The following NPAS3 variants were observed in gnomAD, a reference collection of about 807,000 sequenced individuals.
NPAS3 encodes neuronal PAS domain protein 3, also known as neuronal PAS domain-containing protein 3.
A neutral mutation model predicts 73.1 loss-of-function variants in NPAS3; 14 were observed. The ratio of observed to expected loss-of-function variants is 0.19; its 90% CI spans 0.13 to 0.30. The LOEUF (loss-of-function observed/expected upper bound fraction) is 0.30, where lower values mean the gene tolerates loss of function less well. Ranked by LOEUF, NPAS3 falls within the 10% of genes least tolerant of loss-of-function variation. The probability of loss-of-function intolerance (pLI) is 1.00; values close to 1 mark genes in which losing one functional copy is unlikely to be tolerated. For missense variants in NPAS3, 1,096 were observed against 1,250.0 expected, an observed-to-expected ratio of 0.88 and a Z score of 1.86; for synonymous variants, 620 against 541.5, an observed-to-expected ratio of 1.14 and a Z score of -2.01.
At chr14:33,173,488 G>A (rs1595606129) in intron 2 of NPAS3, among the ~76,000 whole-genome samples, 1 of 151,986 alleles carries the variant, frequency 6.6e-6, no homozygotes, top group African/African-American at 2.4e-5. Context: ...AGTTCACATG[G>A]TATATTGTTT....
chr14:33,464,829 A>C (rs1305175937), intron 4 of NPAS3, among the ~76,000 whole-genome samples: 1 of 152,172 alleles, frequency 6.6e-6, no homozygotes, highest in Non-Finnish European at 1.5e-5. Flanking sequence ...CCTGGTCCTG[A>C]TGGAAAGGCT....
intron 4 of NPAS3, among the ~76,000 whole-genome samples, chr14:33,448,671 G>T (rs564696178): frequency 2.6e-4 from 40 of 152,250 alleles, no homozygotes; most frequent in Admixed American, 5.2e-4. Flanking sequence ...CTAAATTTTG[G>T]TGGTCTTTAT....
At chr14:33,390,042 T>G (rs2046935088) in intron 4 of NPAS3, among the ~76,000 whole-genome samples, 1 of 151,660 alleles carries the variant, frequency 6.6e-6, no homozygotes, top group Non-Finnish European at 1.5e-5. Context: ...TGATTTGTGT[T>G]AAAAAAAAGA....
At chr14:33,223,504 T>C (rs1454055757) in intron 3 of NPAS3, among the ~76,000 whole-genome samples, 1 of 152,168 alleles carries the variant, frequency 6.6e-6, no homozygotes, top group Non-Finnish European at 1.5e-5. Context: ...TCAAGAAAAT[T>C]AAACATACCA....
intron 5 of NPAS3, among the ~76,000 whole-genome samples, chr14:33,637,341 C>T (rs183038764): frequency 2.6e-5 from 4 of 152,312 alleles, no homozygotes; most frequent in Admixed American, 2.6e-4. Context: ...TAATAATCAT[C>T]TCCACTTTGC....
intron 2 of NPAS3, among the ~76,000 whole-genome samples, chr14:33,200,190 T>TGC: frequency 6.7e-6 from 1 of 150,336 alleles, no homozygotes; most frequent in Non-Finnish European, 1.5e-5. Flanking sequence ...CAAAAGTAAC[T>TGC]GGTTTTTGCC....
chr14:33,701,680 T>C (rs2060526598), intron 6 of NPAS3, among the ~76,000 whole-genome samples: 2 of 152,260 alleles, frequency 1.3e-5, no homozygotes, highest in Admixed American at 6.5e-5. Context: ...TTACAATTTC[T>C]ACACAGGAGT....
In NPAS3 at chr14:33,385,145, C is replaced by T. The variant is rs968591961; in HGVS notation, c.468+17877C>T. ...TGTCTCTTTTTCTTGTTTCATTTTG[C>T]GGCTCCCAGTTGGAAGGAAAAGTTC... On this transcript the variant is annotated intron_variant, in intron 4 of 11. Coordinates refer to ENST00000356141, the Ensembl canonical transcript of NPAS3. Among the ~76,000 whole-genome samples, 8 of 152,082 alleles carry T rather than the reference C, an allele frequency of 5.3e-5. 1 individual carries two copies.
chr14:33,472,866 A>G lies in NPAS3; in HGVS notation c.469-87255A>G, dbSNP rs975029122. ...CATTTATTATTGATATGATTATATT[A>G]TTTTACTTTCCAAAAGGATTTGAAA... On this transcript the variant is annotated intron_variant, in intron 4 of 11. Transcript: ENST00000356141. 4.0e-5 allele frequency among the ~76,000 whole-genome samples: 6 copies of G among 150,860 alleles called. No homozygotes were observed. In the East Asian group the frequency reaches 9.6e-4, roughly 24 times the overall value.
intron 2 of NPAS3, among the ~76,000 whole-genome samples, chr14:33,088,330 C>T (rs758677475): frequency 2.9e-4 from 44 of 151,552 alleles, no homozygotes; most frequent in Admixed American, 1.4e-3. Flanking sequence ...AATCGGGTCA[C>T]TCCCACCATA....
At chr14:33,695,962 G>A (rs10129574) in intron 6 of NPAS3, among the ~76,000 whole-genome samples, 3 of 152,104 alleles carry the variant, frequency 2.0e-5, no homozygotes, top group Non-Finnish European at 4.4e-5. Flanking sequence ...TTATCTTATT[G>A]TTGAGAAATT....
At chr14:33,801,119 C>T (rs765434385), downstream of NPAS3, 138 of 1,567,754 alleles carry the variant, frequency 8.8e-5, no homozygotes, top group Admixed American at 1.9e-5. Flanking sequence ...AGGCGCCGCC[C>T]GTCCTGGGCC....
chr14:33,735,026 T>C (rs1595523756), intron 6 of NPAS3, among the ~76,000 whole-genome samples, 188 bp from the exon 7 acceptor site: 1 of 152,166 alleles, frequency 6.6e-6, no homozygotes, highest in Non-Finnish European at 1.5e-5. Flanking sequence ...TGACTCTAGA[T>C]ACATTAATTT....
intron 3 of NPAS3, among the ~76,000 whole-genome samples, chr14:33,318,229 A>T (rs1056022162): frequency 6.6e-6 from 1 of 152,104 alleles, no homozygotes; most frequent in Non-Finnish European, 1.5e-5. Context: ...ATGCTAAATG[A>T]AACAAGCCAG....
At chr14:33,327,916 G>C (rs1029739718) in intron 3 of NPAS3, among the ~76,000 whole-genome samples, 1 of 152,154 alleles carries the variant, frequency 6.6e-6, no homozygotes, top group Non-Finnish European at 1.5e-5. Context: ...GAGTCCACCA[G>C]TAATCAGGTT....
chr14:33,341,591 AT>A (rs1294723409), intron 3 of NPAS3, among the ~76,000 whole-genome samples: 17 of 152,128 alleles, frequency 1.1e-4, no homozygotes, highest in Admixed American at 7.9e-4. Context: ...CGATCTGGGT[AT>A]AAATGGGAAG....
intron 1 of NPAS3, among the ~76,000 whole-genome samples, chr14:32,956,354 G>C (rs1446753105): frequency 6.6e-6 from 1 of 152,110 alleles, no homozygotes; most frequent in Non-Finnish European, 1.5e-5. Context: ...ACATGGCCTT[G>C]TGTATATAGT....
chr14:33,754,652 T>C (rs1271112920), intron 7 of NPAS3, among the ~76,000 whole-genome samples: 5 of 152,136 alleles, frequency 3.3e-5, no homozygotes, highest in Non-Finnish European at 7.4e-5. Context: ...TACAAACAGG[T>C]AATCCATCTT....
chr14:32,966,595 C>CTATGAGAAA (rs1329499364), intron 1 of NPAS3, among the ~76,000 whole-genome samples: 4 of 74,782 alleles, frequency 5.3e-5, no homozygotes, highest in African/African-American at 1.3e-4. Context: ...ATTATGAAAC[C>CTATGAGAAA]CCGTCTCTAC....
Sources: allele counts gnomAD v4.1 joint callset (sites outside exome capture counted in the v4.1 genomes callset), GRCh38; gene constraint gnomAD v4.1.1; transcripts MANE v1.5; gene names NCBI Gene and HGNC (gene_info 2026-07-23, HGNC 2026-07-21).